Variants in STARD9 observed in about 807,000 individuals in gnomAD.
STARD9 encodes the protein StAR related lipid transfer domain containing 9, also known as stAR-related lipid transfer protein 9.
In STARD9, 346 loss-of-function variants were observed where a neutral mutation model predicts 399.8. The ratio of observed to expected loss-of-function variants is 0.87; its 90% CI spans 0.79 to 0.95. The LOEUF is 0.95. Ranked by LOEUF, STARD9 falls within the 40% of genes least tolerant of loss-of-function variation. The probability of loss-of-function intolerance (pLI) is 0.00; values close to 1 mark genes in which losing one functional copy is unlikely to be tolerated. For synonymous variants in STARD9, 2,203 were observed against 2,143.5 expected, an observed-to-expected ratio of 1.03 and a Z score of -0.77; for missense variants, 5,832 against 5,667.5, an observed-to-expected ratio of 1.03 and a Z score of -0.93.
intron 3 of STARD9, among the ~76,000 whole-genome samples, chr15:42,610,915 T>C (rs1249042538): frequency 6.6e-6 from 1 of 152,228 alleles, no homozygotes; most frequent in African/African-American, 2.4e-5. Context: ...AACTTTGATA[T>C]AGTATCAGTC....
At chr15:42,678,467 C>G (rs2060357414) in intron 20 of STARD9, among the ~76,000 whole-genome samples, 1 of 152,178 alleles carries the variant, frequency 6.6e-6, no homozygotes, top group Non-Finnish European at 1.5e-5. Flanking sequence ...GGGAATTTGT[C>G]TTTGAATACC....
In STARD9 at chr15:42,691,889, G is replaced by C. The variant is rs1389764116; in HGVS notation, c.10311G>C (p.Lys3437Asn). The change falls in exon 23 of 33, where the codon AAG (lysine) becomes AAC (asparagine). Residue 3437 changes from lysine to asparagine, a missense_variant. Physicochemically the swap from Lys to Asn is moderately conservative, Grantham distance 94. Transcript: ENST00000290607. The part of the protein sequence containing the change: ...SGTLEQAQQG[K>N]REKLGVQVRP... ...CTTTGGAACAAGCCCAACAGGGAAA[G>C]CGAGAGAAACTGGGTGTCCAGGTTA... is the stretch of plus-strand genomic sequence containing the variant. 2.0e-6 allele frequency: 3 copies of C among 1,537,296 alleles called. No homozygotes were observed. Among genetic ancestry groups the C allele is most frequent in the Non-Finnish European group, 2.6e-6 (3 of 1,146,924 alleles).
chr15:42,615,052 A>G (rs1351885568), intron 3 of STARD9, among the ~76,000 whole-genome samples: 2 of 137,798 alleles, frequency 1.5e-5, no homozygotes, highest in African/African-American at 5.4e-5. Flanking sequence ...TCTGTCGTCC[A>G]GGCTGGAGTG....
At position 42,718,820 on chromosome 15, in the gene STARD9, G is replaced by T. The variant is rs1424978165; in HGVS notation, c.13911G>T (p.Met4637Ile). ...DTSMPRPSRK[M>I]VRGEILPSAW... ...CCATGCCAAGACCCAGCAGAAAAAT[G>T]GTTCGCGGGGAGATCCTGCCCAGTG... Residue 4637 changes from methionine to isoleucine, a missense_variant, in exon 32 of 33, where the codon ATG becomes ATT. Met to Ile is a conservative substitution (Grantham distance 10). Around this residue, in one of 2 missense-constraint regions of STARD9, gnomAD observed 5,828 missense variants for 5,651.1 expected, o/e 1.03. Transcript: ENST00000290607. The T allele has an allele frequency of 6.5e-7, 1 of 1,537,274 alleles. No individual in the cohort carries two copies. The highest frequency in any genetic ancestry group is 1.2e-5 in the South Asian group (1 of 84,064).
chr15:42,650,292 C>T (rs2059733850), intron 7 of STARD9, among the ~76,000 whole-genome samples: 1 of 152,156 alleles, frequency 6.6e-6, no homozygotes. Flanking sequence ...TTGTATTTAG[C>T]AATAAGCCCA....
chr15:42,668,696 G>A (rs549133434), intron 15 of STARD9, among the ~76,000 whole-genome samples: 20 of 152,166 alleles, frequency 1.3e-4, no homozygotes, highest in Non-Finnish European at 2.6e-4. Context: ...TCTGTGAGCC[G>A]TGTGCAAGCT....
At position 42,689,052 on chromosome 15, in the gene STARD9, T is replaced by G. The variant is rs2060628062; in HGVS notation, c.7474T>G (p.Phe2492Val). ...TAGCCAGCCTGAAAAGAGGGTCAGC[T>G]TCTCCTTGGAAGAGGATAGTGACCA... ...VSSQPEKRVS[F>V]SLEEDSDQAS... The change falls in exon 23 of 33, where the codon TTC becomes GTC. Residue 2492 changes from phenylalanine to valine, a missense_variant. Transcript: ENST00000290607. 3.3e-6 allele frequency: 5 copies of G among 1,537,288 alleles called. No individual in the cohort carries two copies. Among genetic ancestry groups the G allele is most frequent in the Middle Eastern group, 1.7e-4 (1 of 5,990 alleles).
rs1184277363 is a variant in STARD9 at position 42,718,804 on chromosome 15, G to T, written c.13895G>T (p.Arg4632Ile). Reference protein sequence around the residue: ...AQSVYDTSMPRPSRKMVRGEI... With the variant: ...AQSVYDTSMPIPSRKMVRGEI... Reference sequence around the variant, plus strand: ...TCTGTGTATGATACATCCATGCCAAGACCCAGCAGAAAAATGGTTCGCGGG... The same window carrying T: ...TCTGTGTATGATACATCCATGCCAATACCCAGCAGAAAAATGGTTCGCGGG... The change falls in exon 32 of 33, where the codon AGA becomes ATA. Residue 4632 changes from arginine (R) to isoleucine (I), a missense_variant. Around this residue, in one of 2 missense-constraint regions of STARD9, gnomAD observed 5,828 missense variants for 5,651.1 expected, o/e 1.03. Transcript: ENST00000290607. 6.5e-7 allele frequency: 1 copy of T among 1,537,262 alleles called. No homozygotes were observed. The highest frequency in any genetic ancestry group is 2.0e-5 in the Admixed American group (1 of 51,004).
chr15:42,692,025 T>C lies in STARD9; in HGVS notation c.10447T>C (p.Trp3483Arg). ...WRPEEPARIS[W>R]KQYMSGSAVD... ...TCCGGAGGAGCCTGCACGTATCAGCTGGAAGCAGTATATGTCTGGCAGTGC... is the reference window on the plus strand; with the variant it reads ...TCCGGAGGAGCCTGCACGTATCAGCCGGAAGCAGTATATGTCTGGCAGTGC... Residue 3483 changes from tryptophan (W) to arginine (R), a missense_variant, in exon 23 of 33, where the codon TGG becomes CGG. Trp to Arg is a moderately radical substitution (Grantham distance 101, BLOSUM62 -3). Transcript: ENST00000290607. 1.3e-6 allele frequency: 2 copies of C among 1,537,256 alleles called. No individual in the cohort carries two copies. Among genetic ancestry groups the C allele is most frequent in the South Asian group, 2.4e-5 (2 of 84,068 alleles).
intron 3 of STARD9, among the ~76,000 whole-genome samples, chr15:42,605,260 C>A (rs2058704602): frequency 6.6e-6 from 1 of 152,176 alleles, no homozygotes; most frequent in Non-Finnish European, 1.5e-5. Flanking sequence ...GATGTTTGAA[C>A]TACAGCGAAA....
chr15:42,614,490 G>A (rs990184681), intron 3 of STARD9, among the ~76,000 whole-genome samples: 1 of 152,126 alleles, frequency 6.6e-6, no homozygotes, highest in Non-Finnish European at 1.5e-5. Context: ...CTTTAAACTA[G>A]GAACAGTGAA....
rs900082681 is a variant in STARD9 at position 42,663,599 on chromosome 15, G to T, written c.1078+109G>T. The stretch of plus-strand genomic sequence containing the variant: ...CCAGAGCTGGATCTGTGTTGGGACT[G>T]GTACTCTATCTCAGAGAAAGGGCCA... On this transcript the variant is annotated intron_variant, in intron 12 of 32. Coordinates refer to ENST00000290607, the MANE Select transcript of STARD9 (RefSeq NM_020759.3). The T allele has an allele frequency of 3.7e-5, 23 of 617,110 alleles. No individual in the cohort carries two copies. The East Asian group carries it at 6.0e-4, about 16-fold the overall frequency. 38.2% of individuals were successfully genotyped at this position (617,110 alleles called of 1,614,324 possible).
At chr15:42,626,203 C>T (rs2059205908) in intron 3 of STARD9, among the ~76,000 whole-genome samples, 1 of 152,158 alleles carries the variant, frequency 6.6e-6, no homozygotes, top group Non-Finnish European at 1.5e-5. Flanking sequence ...GGATTACAGG[C>T]ATGAGCCACC....
chr15:42,690,970 A>G lies in STARD9; in HGVS notation c.9392A>G (p.Asn3131Ser). The G allele has an allele frequency of 6.5e-7, 1 of 1,537,214 alleles. No individual in the cohort carries two copies. The highest frequency in any genetic ancestry group is 8.7e-7 in the Non-Finnish European group (1 of 1,146,900). The change falls in exon 23 of 33, where the codon AAT becomes AGT. Residue 3131 changes from asparagine to serine, a missense_variant. Asn to Ser is a conservative substitution (Grantham distance 46). Around this residue, in one of 2 missense-constraint regions of STARD9, gnomAD observed 5,828 missense variants for 5,651.1 expected, o/e 1.03. Transcript: ENST00000290607. ...CAGAATGCACAGGTGTGTCAAACCA[A>G]TCCAGAACCACCTGCAACAACTCAG... ...GDQNAQVCQTNPEPPATTQGP... is the reference protein window; with the variant it reads ...GDQNAQVCQTSPEPPATTQGP...
intron 3 of STARD9, among the ~76,000 whole-genome samples, chr15:42,619,912 A>T (rs943203334): frequency 3.3e-5 from 5 of 152,146 alleles, no homozygotes; most frequent in African/African-American, 1.2e-4. Context: ...CTAAGGCTTG[A>T]GGTTGGGGTT....
At chr15:42,700,331 C>T (rs2060939233) in intron 26 of STARD9, among the ~76,000 whole-genome samples, 1 of 152,188 alleles carries the variant, frequency 6.6e-6, no homozygotes, top group Admixed American at 6.5e-5. Context: ...GGTAGTTCTG[C>T]TTTAGTTTTT....
At chr15:42,707,620 C>T (rs2061117887) in intron 26 of STARD9, among the ~76,000 whole-genome samples, 1 of 152,048 alleles carries the variant, frequency 6.6e-6, no homozygotes. Context: ...CAGGTGCCTG[C>T]CACCATGCCC....
chr15:42,669,796 A>G (rs55651630), intron 16 of STARD9: 20,629 of 153,322 alleles, frequency 0.13, 1,795 homozygotes, highest in Non-Finnish European at 0.19. Flanking sequence ...CACACCTGTA[A>G]TCTCAGCACT....
chr15:42,637,707 A>G (rs1326970312), intron 4 of STARD9, among the ~76,000 whole-genome samples, 200 bp from the exon 5 acceptor site: 3 of 152,104 alleles, frequency 2.0e-5, no homozygotes, highest in Non-Finnish European at 4.4e-5. Flanking sequence ...CTCATTTGGT[A>G]CATTTCTCCC....
Sources: gnomAD v4.1 joint callset for allele counts (sites outside exome capture counted in the v4.1 genomes callset) on GRCh38, gnomAD v4.1.1 for gene constraint, gnomAD v4.1.1 regional missense constraint, MANE v1.5 for transcripts, NCBI Gene and HGNC (gene_info 2026-07-23, HGNC 2026-07-21) for gene names.